Variants in STAG1 observed in about 807,000 individuals in gnomAD.
STAG1 encodes the protein cohesin subunit SA-1.
Under a neutral mutation model 170.9 loss-of-function variants are expected in STAG1, and 26 were observed. The observed-to-expected ratio is 0.15, with a 90% CI of 0.11 to 0.21. STAG1 has a LOEUF of 0.21. Ranked by LOEUF, STAG1 falls within the 10% of genes least tolerant of loss-of-function variation. The pLI, the probability that STAG1 is intolerant of heterozygous loss-of-function variation, is 1.00. For missense variants in STAG1, 964 were observed against 1,509.5 expected (o/e 0.64, Z 5.99); for synonymous variants, 514 against 497.7 (o/e 1.03, Z -0.44).
intron 1 of STAG1, among the ~76,000 whole-genome samples, chr3:136,693,355 T>G (rs1037308575): frequency 6.6e-6 from 1 of 152,176 alleles, no homozygotes; most frequent in African/African-American, 2.4e-5. Flanking sequence ...AGAACTTCAC[T>G]GCCAATTTGA....
At chr3:136,388,454 C>T (rs1395495443) in intron 22 of STAG1, among the ~76,000 whole-genome samples, 2 of 152,060 alleles carry the variant, frequency 1.3e-5, no homozygotes, top group Admixed American at 6.6e-5. Flanking sequence ...CTGCAACCTC[C>T]GCCTCCTGGG....
At chr3:136,442,293 T>C (rs896295606) in intron 15 of STAG1, among the ~76,000 whole-genome samples, 3 of 152,232 alleles carry the variant, frequency 2.0e-5, no homozygotes, top group African/African-American at 4.8e-5. Flanking sequence ...TCTAAAGCTG[T>C]TGTATGAATT....
intron 1 of STAG1, among the ~76,000 whole-genome samples, chr3:136,736,198 G>C (rs56037743): frequency 6.6e-6 from 1 of 152,208 alleles, no homozygotes; most frequent in African/African-American, 2.4e-5. Flanking sequence ...TCACAATTCA[G>C]TGAAGTACAA....
chr3:136,588,404 G>A (rs1046162255), intron 4 of STAG1, among the ~76,000 whole-genome samples: 2 of 152,226 alleles, frequency 1.3e-5, no homozygotes, highest in Admixed American at 6.5e-5. Context: ...TGGTTGGCTC[G>A]ATCTCGGCTC....
At chr3:136,478,956 T>G (rs1325945145) in intron 9 of STAG1, among the ~76,000 whole-genome samples, 1 of 151,920 alleles carries the variant, frequency 6.6e-6, no homozygotes, top group Non-Finnish European at 1.5e-5. Context: ...ACCACCTAGC[T>G]CACAGTTACT....
rs529725945 is a variant in STAG1, at chr3:136,365,934, C to T, written c.2685+1009G>A. The stretch of plus-strand genomic sequence containing the variant: ...TGCTGTCTTGGCAAGGGCTTGTCTT[C>T]CTTCCCATGCTCATCTAGTAAGCTC... On this transcript the variant is annotated intron_variant, in intron 25 of 33. Coordinates refer to ENST00000383202, the MANE Select transcript of STAG1 (RefSeq NM_005862.3). Among the ~76,000 whole-genome samples the T allele has an allele frequency of 4.0e-5, 6 of 151,642 alleles. No homozygotes were observed. The East Asian group carries it at 1.2e-3, about 29-fold the overall frequency.
rs959908951 is a variant in STAG1, at chr3:136,740,287, A to C, written c.-84+11908T>G. Among the ~76,000 whole-genome samples, 51 of 152,172 alleles carry C rather than the reference A, an allele frequency of 3.4e-4. 1 individual carries two copies. Among genetic ancestry groups the C allele is most frequent in the Non-Finnish European group, 4.4e-5 (3 of 68,028 alleles). ...AACGCAAACACTCCATGTAATTATT[A>C]CTAAGGTCAAGAAATAGACTACTAC... On this transcript the variant is annotated intron_variant, in intron 1 of 33. Transcript: ENST00000383202.
chr3:136,338,902 CA>C (rs1210263405), intron 32 of STAG1, among the ~76,000 whole-genome samples: 1 of 152,170 alleles, frequency 6.6e-6, no homozygotes, highest in African/African-American at 2.4e-5. Flanking sequence ...ACAAAACTTA[CA>C]AAAACTTTTC....
At chr3:136,608,118 G>A (rs974696110) in intron 3 of STAG1, among the ~76,000 whole-genome samples, 10 of 152,000 alleles carry the variant, frequency 6.6e-5, no homozygotes, top group Admixed American at 5.2e-4. Flanking sequence ...TTATCCAGGC[G>A]TGGTGGCACA....
At chr3:136,695,910 C>G (rs1942874464) in intron 1 of STAG1, among the ~76,000 whole-genome samples, 4 of 152,094 alleles carry the variant, frequency 2.6e-5, no homozygotes. Flanking sequence ...GTGAGCTCAC[C>G]TTGGATCCCA....
intron 5 of STAG1, among the ~76,000 whole-genome samples, chr3:136,556,795 C>T (rs1936642038): frequency 3.3e-5 from 5 of 151,996 alleles, no homozygotes; most frequent in Admixed American, 6.6e-5. Context: ...GTTGCCCAGG[C>T]TGGACACCAA....
chr3:136,347,723 A>G (rs1936286467), intron 29 of STAG1, among the ~76,000 whole-genome samples: 1 of 152,212 alleles, frequency 6.6e-6, no homozygotes. Flanking sequence ...ATTACTATAC[A>G]ATGATAACGT....
chr3:136,660,809 A>C (rs920299534), intron 1 of STAG1, among the ~76,000 whole-genome samples: 8 of 152,124 alleles, frequency 5.3e-5, no homozygotes, highest in Non-Finnish European at 1.2e-4. Flanking sequence ...CTCTAAAAAA[A>C]AAATAAAAAA....
chr3:136,706,411 T>C (rs549554986), intron 1 of STAG1, among the ~76,000 whole-genome samples: 7 of 152,260 alleles, frequency 4.6e-5, no homozygotes, highest in African/African-American at 1.4e-4. Flanking sequence ...AAGATCAATA[T>C]ACATAAATCA....
intron 1 of STAG1, among the ~76,000 whole-genome samples, chr3:136,649,410 C>T (rs1347719877): frequency 2.7e-5 from 4 of 146,680 alleles, no homozygotes; most frequent in South Asian, 2.2e-4. Context: ...ACCCGGGAGG[C>T]GGAGGTTGCA....
At chr3:136,490,728 T>C (rs1034962332) in intron 9 of STAG1, among the ~76,000 whole-genome samples, 1 of 152,198 alleles carries the variant, frequency 6.6e-6, no homozygotes, top group African/African-American at 2.4e-5. Context: ...TGTATAAGAA[T>C]AGCTCTGAAA....
intron 1 of STAG1, among the ~76,000 whole-genome samples, chr3:136,730,725 T>C (rs561851837): frequency 6.6e-6 from 1 of 152,234 alleles, no homozygotes; most frequent in Admixed American, 6.5e-5. Context: ...GCCACTGGCC[T>C]AAGGACAAAG....
chr3:136,375,795 C>A (rs1031377142), intron 23 of STAG1, among the ~76,000 whole-genome samples: 1 of 151,168 alleles, frequency 6.6e-6, no homozygotes, highest in Non-Finnish European at 1.5e-5. Context: ...ACAGTGAAAC[C>A]CATATCTACT....
intron 2 of STAG1, among the ~76,000 whole-genome samples, chr3:136,627,820 G>A (rs1312773090): frequency 5.9e-5 from 9 of 152,046 alleles, no homozygotes; most frequent in Non-Finnish European, 1.2e-4. Flanking sequence ...TTGCTCCCTA[G>A]AGCTCTCTAA....
Sources: gnomAD v4.1 joint callset for allele counts (sites outside exome capture counted in the v4.1 genomes callset) on GRCh38, gnomAD v4.1.1 for gene constraint, MANE v1.5 for transcripts, NCBI Gene and HGNC (gene_info 2026-07-23, HGNC 2026-07-21) for gene names.